Variants in CD109 observed in about 807,000 individuals in gnomAD.
CD109 encodes the protein CD109 antigen.
In CD109, 149 loss-of-function variants were observed where a neutral mutation model predicts 165.8. The observed-to-expected ratio is 0.90, with a 90% CI of 0.79 to 1.03. The LOEUF (loss-of-function observed/expected upper bound fraction) is 1.03, where lower values mean the gene tolerates loss of function less well. Among genes scored for constraint, CD109 ranks in the 50% least tolerant of loss-of-function variants. The pLI, the probability that CD109 is intolerant of heterozygous loss-of-function variation, is 0.00. For missense variants in CD109, 1,712 were observed against 1,677.8 expected (o/e 1.02, Z -0.36); for synonymous variants, 585 against 592.1 (o/e 0.99, Z 0.18).
intron 5 of CD109, among the ~76,000 whole-genome samples, chr6:73,754,943 C>G (rs1187329983): frequency 1.3e-5 from 2 of 152,158 alleles, no homozygotes; most frequent in Non-Finnish European, 2.9e-5. Context: ...ATTTATAGAG[C>G]CTCACATGGT....
intron 4 of CD109, among the ~76,000 whole-genome samples, 185 bp downstream of exon 4, chr6:73,730,759 C>T (rs1057154868): frequency 6.6e-6 from 1 of 152,092 alleles, no homozygotes; most frequent in African/African-American, 2.4e-5. Context: ...AGCTCAGCCT[C>T]TAGAGTCAAC....
chr6:73,753,210 T>C (rs1433364391), intron 5 of CD109, among the ~76,000 whole-genome samples: 1 of 152,196 alleles, frequency 6.6e-6, no homozygotes, highest in East Asian at 1.9e-4. Flanking sequence ...AGAGACCATA[T>C]GGCCTGCAAA....
intron 2 of CD109, among the ~76,000 whole-genome samples, chr6:73,704,486 A>C (rs967075116): frequency 6.6e-6 from 1 of 152,182 alleles, no homozygotes; most frequent in African/African-American, 2.4e-5. Context: ...CGATTGGGTG[A>C]AGTTAAAAGT....
chr6:73,722,999 G>C (rs776992173), intron 2 of CD109: 8 of 288,876 alleles, frequency 2.8e-5, no homozygotes, highest in Non-Finnish European at 4.1e-5. Flanking sequence ...TAATGGCAAA[G>C]AGAAGCAGAA....
chr6:73,740,104 C>T (rs541748320), intron 5 of CD109, among the ~76,000 whole-genome samples: 9 of 152,206 alleles, frequency 5.9e-5, no homozygotes, highest in South Asian at 4.2e-4. Flanking sequence ...ATCTTGAGCT[C>T]CTGGACTCAA....
At chr6:73,728,984 C>A (rs1047888139) in intron 3 of CD109, among the ~76,000 whole-genome samples, 3 of 152,220 alleles carry the variant, frequency 2.0e-5, no homozygotes, top group African/African-American at 7.2e-5. Context: ...ATCAAGATAT[C>A]AGCTAGGGCT....
intron 23 of CD109, among the ~76,000 whole-genome samples, chr6:73,796,440 T>A (rs1052708964): frequency 2.0e-5 from 3 of 152,184 alleles, no homozygotes; most frequent in African/African-American, 7.2e-5. Context: ...CATCATTCAG[T>A]TGATGTTTGC....
intron 15 of CD109, among the ~76,000 whole-genome samples, chr6:73,778,515 T>C (rs1774349502): frequency 6.6e-6 from 1 of 152,226 alleles, no homozygotes. Flanking sequence ...GCTTCTTGAA[T>C]TGGTGTCTGA....
At chr6:73,736,345 C>A in intron 4 of CD109, 38 bp from the exon 5 acceptor site, 1 of 1,606,400 alleles carries the variant, frequency 6.2e-7, no homozygotes, top group Non-Finnish European at 8.5e-7. Context: ...TGCACATGGG[C>A]AGCCTCTACA....
chr6:73,702,217 T>A (rs1486448784), intron 2 of CD109, among the ~76,000 whole-genome samples: 7 of 152,212 alleles, frequency 4.6e-5, no homozygotes. Flanking sequence ...TCCTTTGTTG[T>A]CTTTCTCACA....
chr6:73,705,942 CA>C (rs1398599948), intron 2 of CD109, among the ~76,000 whole-genome samples: 2 of 152,044 alleles, frequency 1.3e-5, no homozygotes, highest in Non-Finnish European at 2.9e-5. Context: ...GACGGTCTCT[CA>C]AAAGGCACAT....
At chr6:73,760,945 G>T (rs1054739481) in intron 7 of CD109, among the ~76,000 whole-genome samples, 2 of 151,394 alleles carry the variant, frequency 1.3e-5, no homozygotes, top group African/African-American at 4.9e-5. Context: ...AACCCCTGAG[G>T]TGGAGGTTGC....
chr6:73,780,587 C>G, intron 16 of CD109, 89 bp downstream of exon 16: 1 of 839,616 alleles, frequency 1.2e-6, no homozygotes, highest in East Asian at 2.5e-5. Context: ...GAGATGTTAA[C>G]CTTTTATTAA....
upstream of CD109, among the ~76,000 whole-genome samples, chr6:73,692,093 C>T (rs1770700849): frequency 1.3e-5 from 2 of 152,094 alleles, no homozygotes; most frequent in Admixed American, 1.3e-4. Context: ...TGAAGATTCA[C>T]TATCGCAAGA....
intron 1 of CD109, 98 bp downstream of exon 1, chr6:73,696,387 G>A: frequency 9.5e-7 from 1 of 1,047,736 alleles, no homozygotes; most frequent in Non-Finnish European, 1.3e-6. Context: ...CTGCTGTGCA[G>A]CAGCGGGTGG....
At chr6:73,778,624 C>T (rs1474300848) in intron 15 of CD109, among the ~76,000 whole-genome samples, 2 of 152,132 alleles carry the variant, frequency 1.3e-5, no homozygotes, top group East Asian at 3.8e-4. Flanking sequence ...GCTCTGGCTC[C>T]CTTGTCTACT....
At chr6:73,746,891 G>A (rs1204163195) in intron 5 of CD109, among the ~76,000 whole-genome samples, 1 of 152,118 alleles carries the variant, frequency 6.6e-6, no homozygotes, top group Admixed American at 6.5e-5. Flanking sequence ...ATGAGAGAAG[G>A]GATCCAGGAA....
chr6:73,761,980 AGTCTTGCT>A (rs894342692), intron 7 of CD109, among the ~76,000 whole-genome samples: 98 of 149,630 alleles, frequency 6.5e-4, no homozygotes, highest in African/African-American at 2.2e-3. Flanking sequence ...TTTGAGACAG[AGTCTTGCT>A]GTCTTGCTGT....
chr6:73,821,990 T>G (rs954010923), intron 32 of CD109, among the ~76,000 whole-genome samples: 5 of 152,216 alleles, frequency 3.3e-5, no homozygotes, highest in African/African-American at 1.2e-4. Context: ...GAGTCTGGTG[T>G]TTTGCCGAAA....
Sources: gnomAD v4.1 joint callset for allele counts (sites outside exome capture counted in the v4.1 genomes callset) on GRCh38, gnomAD v4.1.1 for gene constraint, MANE v1.5 for transcripts, NCBI Gene and HGNC (gene_info 2026-07-23, HGNC 2026-07-21) for gene names.